Variants in SI observed in about 807,000 individuals in gnomAD.
SI encodes sucrase-isomaltase.
In SI, 235 loss-of-function variants were observed where a neutral mutation model predicts 253.3. The ratio of observed to expected loss-of-function variants is 0.93; its 90% CI spans 0.83 to 1.03. The LOEUF (loss-of-function observed/expected upper bound fraction) is 1.03. Ranked by LOEUF, SI falls within the 50% of genes least tolerant of loss-of-function variation. The pLI is 0.00. For missense variants in SI, 2,442 were observed against 2,211.1 expected, an observed-to-expected ratio of 1.10 and a Z score of -2.09; for synonymous variants, 819 against 712.0, an observed-to-expected ratio of 1.15 and a Z score of -2.39.
intron 37 of SI, among the ~76,000 whole-genome samples, chr3:165,003,264 A>T (rs1576879010): frequency 6.6e-6 from 1 of 152,000 alleles, no homozygotes; most frequent in East Asian, 1.9e-4. Context: ...GTTAAGCTAC[A>T]TACTTTCAAC....
At chr3:165,006,755 C>A in intron 37 of SI, 61 bp downstream of exon 37, 1 of 1,436,058 alleles carries the variant, frequency 7.0e-7, no homozygotes, top group Non-Finnish European at 9.8e-7. Context: ...AAAATGATAA[C>A]ATTAAATGTA....
chr3:165,028,864 C>T (rs1251634000), intron 25 of SI, among the ~76,000 whole-genome samples: 1 of 149,982 alleles, frequency 6.7e-6, no homozygotes, highest in African/African-American at 2.4e-5. Flanking sequence ...GAAATTGTCT[C>T]AGGCAAGGAT....
At chr3:164,980,444 A>G (rs750152676) in intron 47 of SI, among the ~76,000 whole-genome samples, 2 of 151,970 alleles carry the variant, frequency 1.3e-5, no homozygotes, top group Non-Finnish European at 2.9e-5. Context: ...ATATTGCTAG[A>G]GCAATTAAAT....
At chr3:165,021,427 A>G in intron 26 of SI, 44 bp from the exon 27 acceptor site, 2 of 1,451,462 alleles carry the variant, frequency 1.4e-6, no homozygotes, top group Non-Finnish European at 9.7e-7. Context: ...GATTGCTGAC[A>G]TAGCATGTAC....
At chr3:165,023,813 A>C (rs762596768) in intron 25 of SI, 37 bp from the exon 26 acceptor site, 1 of 1,429,690 alleles carries the variant, frequency 7.0e-7, no homozygotes, top group South Asian at 1.2e-5. Context: ...CAGAAATTAT[A>C]AGCCTTGTAA....
intron 22 of SI, 104 bp from the exon 23 acceptor site, chr3:165,033,548 G>C (rs1248434416): frequency 3.0e-5 from 33 of 1,088,396 alleles, no homozygotes; most frequent in Non-Finnish European, 3.8e-5. Context: ...ACTAGATGCT[G>C]TTTATTAATG....
chr3:165,046,088 C>T (rs1328698695), intron 16 of SI, among the ~76,000 whole-genome samples: 1 of 152,002 alleles, frequency 6.6e-6, no homozygotes, highest in African/African-American at 2.4e-5. Flanking sequence ...ACCTCGGCTT[C>T]TCAAATTGCT....
chr3:165,020,682 T>A (rs1252124094), intron 27 of SI, among the ~76,000 whole-genome samples: 1 of 151,526 alleles, frequency 6.6e-6, no homozygotes, highest in Non-Finnish European at 1.5e-5. Context: ...TTAAATTACA[T>A]AAAAGTATAT....
chr3:165,019,575 G>T, intron 28 of SI, 27 bp downstream of exon 28: 2 of 1,606,234 alleles, frequency 1.2e-6, no homozygotes, highest in Non-Finnish European at 1.7e-6. Flanking sequence ...TAGTTGCCTC[G>T]TGGAGTGGTC....
rs781463800 is a variant in SI at position 165,049,925 on chromosome 3, C to T, written c.1513-50G>A. On this transcript the variant is annotated intron_variant, in intron 13 of 47. Transcript: ENST00000264382. The stretch of plus-strand genomic sequence containing the variant: ...AGCAGATTTTACATAATTATAAATC[C>T]TATTAGCAGAAACTCTCTAGTTGTT... 5.3e-6 allele frequency: 6 copies of T among 1,134,962 alleles called. 1 individual carries two copies. In the South Asian group the frequency reaches 7.4e-5, roughly 14 times the overall value. 70.3% of individuals were successfully genotyped at this position (1,134,962 alleles called of 1,614,324 possible).
chr3:165,062,209 G>GAA (rs1018752692), intron 9 of SI, among the ~76,000 whole-genome samples, 162 bp downstream of exon 9: 81 of 144,748 alleles, frequency 5.6e-4, no homozygotes, highest in African/African-American at 1.9e-3. Context: ...TTGTATAGGG[G>GAA]AAAAAAAAAA....
At position 164,987,244 on chromosome 3, in the gene SI, A is replaced by G. The variant is rs1717482568; in HGVS notation, c.5109-18T>C. On this transcript the variant is annotated intron_variant, in intron 44 of 47. Transcript: ENST00000264382. ...TTTGTCGACTATAAGAAAGAAATAT[A>G]TAATTTTACCCATGTTTGTAGAATA... The G allele has an allele frequency of 6.3e-7, 1 of 1,598,092 alleles. No homozygotes were observed. The highest frequency in any genetic ancestry group is 1.3e-5 in the African/African-American group (1 of 74,712).
At chr3:165,072,797 A>C (rs973154311) in intron 3 of SI, among the ~76,000 whole-genome samples, 1 of 151,668 alleles carries the variant, frequency 6.6e-6, no homozygotes, top group African/African-American at 2.4e-5. Flanking sequence ...TAAATCCAAA[A>C]CTTTGTGAAT....
intron 9 of SI, among the ~76,000 whole-genome samples, chr3:165,060,469 A>C (rs1354370175): frequency 6.6e-6 from 1 of 151,940 alleles, no homozygotes; most frequent in African/African-American, 2.4e-5. Context: ...GTTTCCTTAC[A>C]TTTTGGCAGT....
chr3:165,036,468 A>T lies in SI; in HGVS notation c.2436T>A (p.Asn812Lys). ...PDVTTTASRK[N>K]PLGLIVALGE... ...CTAATGCGACTATAAGTCCTAGAGG[A>T]TTCTTACGGCTGTTAAGAAAAATTA... Residue 812 changes from asparagine (N) to lysine (K), a missense_variant, in exon 22 of 48, where the codon AAT becomes AAA. Coordinates refer to ENST00000264382, the MANE Select transcript of SI (RefSeq NM_001041.4). 6.2e-7 allele frequency: 1 copy of T among 1,610,254 alleles called. No individual in the cohort carries two copies. The highest frequency in any genetic ancestry group is 8.5e-7 in the Non-Finnish European group (1 of 1,177,348).
chr3:164,982,240 T>C lies in SI; in HGVS notation c.5415+3A>G, dbSNP rs1717222050. 1 of 1,609,926 alleles carries C rather than the reference T, an allele frequency of 6.2e-7. No homozygotes were observed. The highest frequency in any genetic ancestry group is 8.5e-7 in the Non-Finnish European group (1 of 1,176,894). ...TTGAAAAATATTTTCTTACATTACT[T>C]ACCATGTTGGTAGTGTCTTCATTAA... On this transcript the variant is annotated splice_donor_region_variant and intron_variant, in intron 47 of 47. Transcript: ENST00000264382.
rs113303008 is a variant in SI at position 165,076,556 on chromosome 3, G to A, written c.1-544C>T. Among the ~76,000 whole-genome samples the A allele has an allele frequency of 2.5e-3, 382 of 151,496 alleles. 1 individual carries two copies. Among genetic ancestry groups the A allele is most frequent in the South Asian group, 8.1e-3 (39 of 4,814 alleles). On this transcript the variant is annotated intron_variant, in intron 1 of 47. Coordinates refer to ENST00000264382, the MANE Select transcript of SI (RefSeq NM_001041.4). The stretch of plus-strand genomic sequence containing the variant: ...CAACACTACTTTCCACAATATTGTC[G>A]AAAAGAACATAAATACATATATTTG...
chr3:165,049,523 A>G (rs1713321043), intron 14 of SI, among the ~76,000 whole-genome samples: 1 of 152,102 alleles, frequency 6.6e-6, no homozygotes, highest in Admixed American at 6.6e-5. Context: ...TTTAAAAATA[A>G]CCTTTAACAA....
chr3:164,982,249 G>A lies in SI; in HGVS notation c.5409C>T (p.Thr1803=). The stretch of plus-strand genomic sequence containing the variant: ...ATTTTCTTACATTACTTACCATGTT[G>A]GTAGTGTCTTCATTAAAAGGAAGCG... The part of the protein sequence containing the change: ...KNSLPFNEDT[T]NMILRIDLTT... Residue 1803 remains threonine (T), a synonymous_variant, in exon 47 of 48, where the codon ACC becomes ACT. Coordinates refer to ENST00000264382, the MANE Select transcript of SI (RefSeq NM_001041.4). 1 of 1,610,924 alleles carries A rather than the reference G, an allele frequency of 6.2e-7. No homozygotes were observed. The highest frequency in any genetic ancestry group is 8.5e-7 in the Non-Finnish European group (1 of 1,177,776).
Sources: gnomAD v4.1 joint callset for allele counts (sites outside exome capture counted in the v4.1 genomes callset) on GRCh38, gnomAD v4.1.1 for gene constraint, MANE v1.5 for transcripts, NCBI Gene and HGNC (gene_info 2026-07-23, HGNC 2026-07-21) for gene names.